SLC24A2: variants seen among roughly 807,000 people sequenced by gnomAD.
SLC24A2 encodes sodium/potassium/calcium exchanger 2.
In SLC24A2, 36 loss-of-function variants were observed where a neutral mutation model predicts 62.0. The ratio of observed to expected loss-of-function variants is 0.58; its 90% CI spans 0.44 to 0.77. SLC24A2 has a LOEUF of 0.77. SLC24A2 is among the 30% of genes least tolerant of loss of function. The pLI, the probability that SLC24A2 is intolerant of heterozygous loss-of-function variation, is 0.00. For missense variants in SLC24A2, 846 were observed against 817.9 expected, an observed-to-expected ratio of 1.03 and a Z score of -0.42; for synonymous variants, 358 against 294.0, an observed-to-expected ratio of 1.22 and a Z score of -2.23.
chr9:19,642,360 C>A (rs1332056743), intron 2 of SLC24A2, among the ~76,000 whole-genome samples: 1 of 152,188 alleles, frequency 6.6e-6, no homozygotes, highest in Non-Finnish European at 1.5e-5. Flanking sequence ...TGTGCCCAGT[C>A]ATCAGTCTGG....
At chr9:20,191,437 C>G in the SLC24A2 span, among the ~76,000 whole-genome samples, 1 of 151,844 alleles carries the variant, frequency 6.6e-6, no homozygotes, top group South Asian at 2.1e-4. Context: ...TAATCCTCAC[C>G]AGGGATAAGT....
intron 2 of SLC24A2, among the ~76,000 whole-genome samples, chr9:19,745,465 C>T (rs1587258575): frequency 6.6e-6 from 1 of 152,226 alleles, no homozygotes; most frequent in East Asian, 1.9e-4. Flanking sequence ...TCTGGGGGAC[C>T]TGCTAGAACT....
the SLC24A2 span, among the ~76,000 whole-genome samples, chr9:20,183,941 G>T: frequency 6.6e-6 from 1 of 152,068 alleles, no homozygotes. Context: ...GCTTCTACAT[G>T]GTGAAGAAAA....
At chr9:19,636,305 T>TTTTCCTTTC (rs1818321224) in intron 2 of SLC24A2, among the ~76,000 whole-genome samples, 1 of 44,884 alleles carries the variant, frequency 2.2e-5, no homozygotes, top group African/African-American at 8.5e-5. Flanking sequence ...TTTTCTTTTC[T>TTTTCCTTTC]TTTCTTTTCT....
At chr9:19,987,668 T>C in the SLC24A2 span, among the ~76,000 whole-genome samples, 3 of 152,252 alleles carry the variant, frequency 2.0e-5, no homozygotes, top group South Asian at 6.2e-4. Context: ...CTGGAACAGG[T>C]ATATTGGTAT....
At chr9:19,647,068 GCACACACACA>G (rs142480390) in intron 2 of SLC24A2, among the ~76,000 whole-genome samples, 28 of 80,048 alleles carry the variant, frequency 3.5e-4, no homozygotes, top group South Asian at 2.1e-3. Flanking sequence ...ACACACGCGC[GCACACACACA>G]CACACACACA....
At chr9:19,548,994 T>C (rs1834713627) in intron 8 of SLC24A2, among the ~76,000 whole-genome samples, 2 of 152,174 alleles carry the variant, frequency 1.3e-5, no homozygotes, top group Non-Finnish European at 2.9e-5. Flanking sequence ...TCCCTCTCCT[T>C]AGTTCTTTCA....
At chr9:20,070,492 T>C in the SLC24A2 span, among the ~76,000 whole-genome samples, 4 of 152,230 alleles carry the variant, frequency 2.6e-5, no homozygotes, top group South Asian at 2.1e-4. Flanking sequence ...ATTGAGTTTG[T>C]AAATGAACCA....
the SLC24A2 span, chr9:19,895,869 C>T: frequency 6.2e-7 from 1 of 1,612,304 alleles, no homozygotes; most frequent in Non-Finnish European, 8.5e-7. Context: ...AGGGGTGCAG[C>T]AGGGCCTCGG....
the SLC24A2 span, among the ~76,000 whole-genome samples, chr9:19,952,408 C>T: frequency 6.6e-6 from 1 of 151,988 alleles, no homozygotes; most frequent in Non-Finnish European, 1.5e-5. Flanking sequence ...TCGAGGCATT[C>T]ACCACTGTGT....
At chr9:19,544,530 G>A (rs1249138516) in intron 8 of SLC24A2, among the ~76,000 whole-genome samples, 5 of 152,028 alleles carry the variant, frequency 3.3e-5, no homozygotes, top group African/African-American at 1.2e-4. Context: ...AGTGTTGATG[G>A]TCTTTACAAT....
At chr9:19,766,407 G>C (rs369512339) in intron 2 of SLC24A2, among the ~76,000 whole-genome samples, 2 of 152,218 alleles carry the variant, frequency 1.3e-5, no homozygotes, top group African/African-American at 2.4e-5. Context: ...TAGCCTACTT[G>C]CTCTGTTTTT....
At chr9:19,699,713 G>T (rs936030609) in intron 2 of SLC24A2, among the ~76,000 whole-genome samples, 4 of 151,960 alleles carry the variant, frequency 2.6e-5, no homozygotes, top group Admixed American at 2.6e-4. Context: ...TATTTCTGGG[G>T]GGTGGTATTA....
the SLC24A2 span, among the ~76,000 whole-genome samples, chr9:20,251,909 C>T: frequency 5.9e-5 from 9 of 152,306 alleles, no homozygotes; most frequent in Non-Finnish European, 8.8e-5. Flanking sequence ...AGAGGTAGAA[C>T]GGGATTGGCC....
the SLC24A2 span, among the ~76,000 whole-genome samples, chr9:19,907,942 T>A: frequency 6.6e-6 from 1 of 152,156 alleles, no homozygotes; most frequent in Non-Finnish European, 1.5e-5. Context: ...GCCATCCCCA[T>A]CAAGCTACCA....
the SLC24A2 span, among the ~76,000 whole-genome samples, chr9:20,048,614 G>A: frequency 3.5e-4 from 53 of 152,254 alleles, no homozygotes; most frequent in East Asian, 1.2e-3. Context: ...AAACAGGGAA[G>A]TGAAAATCTG....
chr9:20,253,665 C>T, the SLC24A2 span, among the ~76,000 whole-genome samples: 16 of 152,300 alleles, frequency 1.1e-4, no homozygotes, highest in African/African-American at 3.6e-4. Context: ...TTTATTAGCT[C>T]GCCAGGTGAT....
At chr9:20,218,104 T>C in the SLC24A2 span, among the ~76,000 whole-genome samples, 47 of 152,270 alleles carry the variant, frequency 3.1e-4, 1 homozygote, top group East Asian at 8.9e-3. Flanking sequence ...GACATACACA[T>C]ATGTTGAGCC....
At chr9:20,182,638 CG>C in the SLC24A2 span, among the ~76,000 whole-genome samples, 2 of 151,964 alleles carry the variant, frequency 1.3e-5, no homozygotes, top group African/African-American at 4.8e-5. Context: ...CCTGTCGGGG[CG>C]GGGGTGCTGG....
Sources: gnomAD v4.1 joint callset for allele counts (sites outside exome capture counted in the v4.1 genomes callset) on GRCh38, gnomAD v4.1.1 for gene constraint, MANE v1.5 for transcripts, NCBI Gene and HGNC (gene_info 2026-07-23, HGNC 2026-07-21) for gene names.